The following MCM5 variants were observed in gnomAD, a reference collection of about 807,000 sequenced individuals.
MCM5 encodes DNA replication licensing factor MCM5.
Under a neutral mutation model 79.9 loss-of-function variants are expected in MCM5, and 46 were observed. The ratio of observed to expected loss-of-function variants is 0.58; its 90% CI spans 0.45 to 0.74. The LOEUF (loss-of-function observed/expected upper bound fraction) is 0.74. Among genes scored for constraint, MCM5 ranks in the 30% least tolerant of loss-of-function variants. The probability of loss-of-function intolerance (pLI) is 0.00; values close to 1 mark genes in which losing one functional copy is unlikely to be tolerated. For synonymous variants in MCM5, 404 were observed against 390.5 expected (o/e 1.03, Z -0.41); for missense variants, 883 against 1,017.0 (o/e 0.87, Z 1.79).
intron 4 of MCM5, among the ~76,000 whole-genome samples, chr22:35,405,211 T>A (rs1398047707): frequency 6.6e-6 from 1 of 151,638 alleles, no homozygotes; most frequent in African/African-American, 2.4e-5. Flanking sequence ...AGAGATGGGG[T>A]TTCACCATGT....
At chr22:35,414,279 G>C (rs1402659029) in intron 9 of MCM5, among the ~76,000 whole-genome samples, 1 of 152,156 alleles carries the variant, frequency 6.6e-6, no homozygotes, top group Admixed American at 6.5e-5. Flanking sequence ...CAATCTCCCT[G>C]AGCGTCAGTT....
the MCM5 span, among the ~76,000 whole-genome samples, chr22:35,437,197 G>T: frequency 5.4e-5 from 8 of 148,716 alleles, no homozygotes; most frequent in African/African-American, 1.5e-4. Context: ...AATGGGCAGT[G>T]CCCCGAACAT....
chr22:35,434,430 A>G, the MCM5 span, among the ~76,000 whole-genome samples: 1 of 152,216 alleles, frequency 6.6e-6, no homozygotes, highest in South Asian at 2.1e-4. Context: ...TTTTTCTCTC[A>G]GTATCCATTT....
At chr22:35,430,164 A>G (rs535502255), downstream of MCM5, among the ~76,000 whole-genome samples, 23 of 152,306 alleles carry the variant, frequency 1.5e-4, no homozygotes, top group Non-Finnish European at 2.2e-4. Context: ...AGAGAATGGG[A>G]GAGAAAATTA....
rs747355364 is a variant in MCM5 at position 35,408,443 on chromosome 22, C to T, written c.632C>T (p.Pro211Leu). ...QAGRPKCPLD[P>L]YFIMPDKCKC... ...GGGCGCCCCAAATGCCCATTGGACC[C>T]GTACTTCATCATGCCCGACAAATGC... Residue 211 changes from proline (P) to leucine (L), a missense_variant, in exon 6 of 17, where the codon CCG becomes CTG. Transcript: ENST00000216122. The T allele has an allele frequency of 6.8e-6, 11 of 1,614,078 alleles. No individual in the cohort carries two copies. The highest frequency in any genetic ancestry group is 2.2e-5 in the East Asian group (1 of 44,896).
At chr22:35,445,087 C>G in the MCM5 span, among the ~76,000 whole-genome samples, 7 of 152,108 alleles carry the variant, frequency 4.6e-5, no homozygotes, top group African/African-American at 1.7e-4. Context: ...CCAGAAAGAA[C>G]ATAGACTGTG....
rs181142607 is a variant in MCM5, at chr22:35,411,327, C to T, written c.919+417C>T. Reference sequence around the variant, plus strand: ...GGTGGCTGTTGTGGGTCACGCAGTTCCAAGGAGGTGCTAAAGGAGGTCTGA... The same window carrying T: ...GGTGGCTGTTGTGGGTCACGCAGTTTCAAGGAGGTGCTAAAGGAGGTCTGA... On this transcript the variant is annotated intron_variant, in intron 7 of 16. Coordinates refer to ENST00000216122, the MANE Select transcript of MCM5 (RefSeq NM_006739.4). The T allele has an allele frequency of 1.9e-5, 3 of 160,816 alleles. No individual in the cohort carries two copies. The East Asian group carries it at 5.5e-4, about 29-fold the overall frequency. The allele number at this position is 160,816 out of a possible 1,614,324, so 10.0% of individuals were successfully genotyped here. A position where few individuals can be genotyped will look rare whatever the true frequency, so the allele number is the denominator to read the frequency against.
rs529103745 is a variant in MCM5 at position 35,417,956 on chromosome 22, C to T, written c.1703+100C>T. On this transcript the variant is annotated intron_variant, in intron 13 of 16. Transcript: ENST00000216122. ...TCCTGCTCCTCCTCATGAAGAACAG[C>T]CCAGATGTTGCTGTTCTGAGGTTCT... 3.8e-6 allele frequency: 3 copies of T among 784,954 alleles called. No homozygotes were observed. In the South Asian group the frequency reaches 4.5e-5, roughly 12 times the overall value. The allele number at this position is 784,954 out of a possible 1,614,324, so 48.6% of individuals were successfully genotyped here. A position where few individuals can be genotyped will look rare whatever the true frequency, so the allele number is the denominator to read the frequency against.
intron 16 of MCM5, 196 bp downstream of exon 16, chr22:35,423,537 G>A: frequency 3.9e-6 from 2 of 508,642 alleles, no homozygotes; most frequent in Admixed American, 4.2e-5. Context: ...CAGGGATGGG[G>A]GTATTTTTTC....
chr22:35,401,430 C>T (rs1186774774), intron 2 of MCM5: 2 of 471,110 alleles, frequency 4.2e-6, no homozygotes, highest in African/African-American at 2.0e-5. Flanking sequence ...GGGTGCTGGG[C>T]TGCAGCACTG....
At chr22:35,403,131 C>T (rs1932108256) in intron 2 of MCM5, 76 bp from the exon 3 acceptor site, 2 of 1,564,748 alleles carry the variant, frequency 1.3e-6, no homozygotes, top group Non-Finnish European at 1.7e-6. Flanking sequence ...TTCAGGGGTG[C>T]AGGCACACCT....
chr22:35,403,507 T>G lies in MCM5; in HGVS notation c.388T>G (p.Ser130Ala). The G allele has an allele frequency of 6.2e-7, 1 of 1,614,064 alleles. No individual in the cohort carries two copies. The highest frequency in any genetic ancestry group is 1.1e-5 in the South Asian group (1 of 91,078). Reference protein sequence around the residue: ...VLQDIQVMLKSDASPSSIRSL... With the variant: ...VLQDIQVMLKADASPSSIRSL... Reference sequence around the variant, plus strand: ...CCAGGACATCCAGGTCATGCTCAAGTCGGACGCCAGCCCTTCCAGCATTCG... The same window carrying G: ...CCAGGACATCCAGGTCATGCTCAAGGCGGACGCCAGCCCTTCCAGCATTCG... The change falls in exon 4 of 17, where the codon TCG (serine) becomes GCG (alanine). Residue 130 changes from serine to alanine, a missense_variant. Ser to Ala is a moderately conservative substitution (Grantham distance 99, BLOSUM62 1). Transcript: ENST00000216122.
chr22:35,423,447 C>T lies in MCM5; in HGVS notation c.2103+106C>T, dbSNP rs530945673. 21 of 1,312,744 alleles carry T rather than the reference C, an allele frequency of 1.6e-5. No homozygotes were observed. In the African/African-American group the frequency reaches 2.1e-4, roughly 13 times the overall value. The allele number at this position is 1,312,744 out of a possible 1,614,324, so 81.3% of individuals were successfully genotyped here. A position where few individuals can be genotyped will look rare whatever the true frequency, so the allele number is the denominator to read the frequency against. On this transcript the variant is annotated intron_variant, in intron 16 of 16. Transcript: ENST00000216122. ...TCTTACTCAGCAGACAGGCCCTGAA[C>T]GGGGGTAGGATGGACAACTGTCCCT...
At chr22:35,406,139 C>G (rs185287743) in intron 4 of MCM5, among the ~76,000 whole-genome samples, 19 of 152,298 alleles carry the variant, frequency 1.2e-4, no homozygotes, top group Admixed American at 1.1e-3. Flanking sequence ...CAGGTTTTGA[C>G]AGAACTTGAA....
Position 35,424,303 on chromosome 22 carries a change from C to A in MCM5, c.*48C>A. On this transcript the variant is annotated 3_prime_UTR_variant, in exon 17 of 17. Coordinates refer to ENST00000216122, the MANE Select transcript of MCM5 (RefSeq NM_006739.4). ...ATGGACTCGCCCACGCCTCGCCCCT[C>A]CTGCCGCTGCCTGCCATTGACAATG... 1 of 1,298,790 alleles carries A rather than the reference C, an allele frequency of 7.7e-7. No homozygotes were observed. Among genetic ancestry groups the A allele is most frequent in the Non-Finnish European group, 1.1e-6 (1 of 937,468 alleles). The allele number at this position is 1,298,790 out of a possible 1,614,324, so 80.5% of individuals were successfully genotyped here.
chr22:35,446,789 C>T, the MCM5 span, among the ~76,000 whole-genome samples: 120,325 of 151,974 alleles, frequency 0.79, 48,246 homozygotes, highest in African/African-American at 0.88. Flanking sequence ...ATCTCGGTTC[C>T]CTGAGCATCT....
At chr22:35,448,376 C>T in the MCM5 span, among the ~76,000 whole-genome samples, 1 of 141,452 alleles carries the variant, frequency 7.1e-6, no homozygotes, top group Non-Finnish European at 1.5e-5. Context: ...TCCCCACTGG[C>T]CCCCTCTGCA....
chr22:35,438,903 CCA>C, the MCM5 span, among the ~76,000 whole-genome samples: 1 of 145,996 alleles, frequency 6.8e-6, no homozygotes, highest in African/African-American at 2.6e-5. Context: ...ACATATCCAT[CCA>C]TCCACTCACA....
At chr22:35,401,267 A>G (rs1601749842) in intron 2 of MCM5, 1 of 395,368 alleles carries the variant, frequency 2.5e-6, no homozygotes, top group East Asian at 7.4e-5. Context: ...TCATCCTTCC[A>G]TGTCATGTCT....
Sources: allele counts gnomAD v4.1 joint callset (sites outside exome capture counted in the v4.1 genomes callset), GRCh38; gene constraint gnomAD v4.1.1; transcripts MANE v1.5; gene names NCBI Gene and HGNC (gene_info 2026-07-23, HGNC 2026-07-21).